TRHDE: variants seen among roughly 807,000 people sequenced by gnomAD.
The protein encoded by TRHDE is thyrotropin-releasing hormone-degrading ectoenzyme.
In TRHDE, 72 loss-of-function variants were observed where a neutral mutation model predicts 125.7. That is an observed-to-expected ratio of 0.57 (90% CI 0.47 to 0.70). The LOEUF is 0.70. Among genes scored for constraint, TRHDE ranks in the 30% least tolerant of loss-of-function variants. TRHDE has a pLI of 0.00. For missense variants in TRHDE, 1,110 were observed against 1,327.1 expected (o/e 0.84, Z 2.54); for synonymous variants, 509 against 509.1 (o/e 1.00, Z 0.00).
chr12:72,419,533 G>C (rs886499425), intron 3 of TRHDE, among the ~76,000 whole-genome samples: 2 of 152,040 alleles, frequency 1.3e-5, no homozygotes, highest in African/African-American at 2.4e-5. Context: ...GAGGGAGATG[G>C]GGAGTGTGCC....
chr12:72,214,825 C>T (rs894805606), intron 2 of TRHDE, among the ~76,000 whole-genome samples: 8 of 152,266 alleles, frequency 5.3e-5, no homozygotes, highest in Admixed American at 4.6e-4. Context: ...TCATCCTACT[C>T]CTGGCCAAAG....
chr12:72,501,953 C>A (rs891993421), intron 6 of TRHDE, among the ~76,000 whole-genome samples: 2 of 152,148 alleles, frequency 1.3e-5, no homozygotes, highest in African/African-American at 4.8e-5. Flanking sequence ...ACTTTATTGA[C>A]ATAAAGTTTT....
At chr12:72,457,437 C>G (rs1875911214) in intron 3 of TRHDE, among the ~76,000 whole-genome samples, 1 of 152,070 alleles carries the variant, frequency 6.6e-6, no homozygotes, top group Non-Finnish European at 1.5e-5. Flanking sequence ...ATTTCAGTAT[C>G]TCCTGTTTAT....
chr12:72,100,699 C>G (rs1331568461), intron 1 of TRHDE, among the ~76,000 whole-genome samples: 1 of 152,196 alleles, frequency 6.6e-6, no homozygotes, highest in Non-Finnish European at 1.5e-5. Context: ...TGAAAATGAC[C>G]TCTCTTTCTC....
chr12:72,209,792 A>C (rs1296155709), intron 2 of TRHDE, among the ~76,000 whole-genome samples: 2 of 152,304 alleles, frequency 1.3e-5, no homozygotes, highest in Non-Finnish European at 2.9e-5. Context: ...CTTTCAAACA[A>C]ATTATGGCTT....
At chr12:72,351,161 T>C (rs553349109) in intron 2 of TRHDE, among the ~76,000 whole-genome samples, 31 of 152,078 alleles carry the variant, frequency 2.0e-4, no homozygotes, top group African/African-American at 7.5e-4. Flanking sequence ...AGAGTGAAGC[T>C]CTGGGAAGTA....
chr12:72,366,471 T>A (rs1368396108), intron 2 of TRHDE, among the ~76,000 whole-genome samples: 2 of 152,148 alleles, frequency 1.3e-5, no homozygotes, highest in Non-Finnish European at 2.9e-5. Context: ...AGCAGCGTTT[T>A]AGTACTAGAG....
At chr12:72,398,629 TCTGA>T (rs746085027) in intron 3 of TRHDE, among the ~76,000 whole-genome samples, 44 of 152,222 alleles carry the variant, frequency 2.9e-4, no homozygotes, top group Admixed American at 2.8e-3. Context: ...TCAAATTACT[TCTGA>T]CTTAGTCTTT....
intron 12 of TRHDE, chr12:72,582,495 T>C (rs1871280771): frequency 3.0e-6 from 3 of 985,322 alleles, no homozygotes; most frequent in Admixed American, 6.1e-5. Context: ...GATGGCTCTC[T>C]TGTACCTCGT....
intron 12 of TRHDE, among the ~76,000 whole-genome samples, chr12:72,613,411 CA>C (rs1221317183): frequency 5.3e-5 from 8 of 152,204 alleles, no homozygotes; most frequent in African/African-American, 1.9e-4. Flanking sequence ...TTTTAACCTT[CA>C]AAAAATGCTT....
chr12:72,272,383 C>T lies in TRHDE; in HGVS notation c.-261C>T. The T allele has an allele frequency of 2.6e-6, 1 of 384,576 alleles. No homozygotes were observed. The highest frequency in any genetic ancestry group is 5.0e-6 in the Non-Finnish European group (1 of 199,548). 23.8% of individuals were successfully genotyped at this position (384,576 alleles called of 1,614,324 possible). ...GGGTGCTCGTCCGAGAAGTAGCGCG[C>T]GCTGGGCAAGCAAGACGCTTTCCAA... On this transcript the variant is annotated 5_prime_UTR_variant, in exon 1 of 19. Coordinates refer to ENST00000261180, the MANE Select transcript of TRHDE (RefSeq NM_013381.3). The surrounding 1 kb of genome is among the most constrained non-coding windows in gnomAD (Gnocchi z 6.7).
chr12:72,485,744 A>G (rs1368869433), intron 5 of TRHDE, among the ~76,000 whole-genome samples: 1 of 152,176 alleles, frequency 6.6e-6, no homozygotes, highest in Non-Finnish European at 1.5e-5. Flanking sequence ...TATGGGGCTG[A>G]GAAGATGTAA....
chr12:72,296,411 A>G (rs1592526733), intron 2 of TRHDE, among the ~76,000 whole-genome samples: 1 of 152,222 alleles, frequency 6.6e-6, no homozygotes. Flanking sequence ...TAAACAGGGA[A>G]CTGAATCCAG....
At chr12:72,439,734 C>A (rs1874912805) in intron 3 of TRHDE, among the ~76,000 whole-genome samples, 1 of 151,696 alleles carries the variant, frequency 6.6e-6, no homozygotes, top group Admixed American at 6.6e-5. Flanking sequence ...GATGCATTTT[C>A]TTTCTTTCTC....
At position 72,619,704 on chromosome 12, in the gene TRHDE, G is replaced by A. The variant is rs538243040; in HGVS notation, c.2469+666G>A. 2.1e-4 allele frequency among the ~76,000 whole-genome samples: 32 copies of A among 152,216 alleles called. No homozygotes were observed. The Middle Eastern group carries it at 0.01, about 49-fold the overall frequency. On this transcript the variant is annotated intron_variant, in intron 13 of 18. Coordinates refer to ENST00000261180, the MANE Select transcript of TRHDE (RefSeq NM_013381.3). The stretch of plus-strand genomic sequence containing the variant: ...TATTAGGATTAAGTACTGCTCATGA[G>A]CCTTTTGATTCTTAAATTTCTTATC...
At chr12:72,405,937 A>G (rs1565729495) in intron 3 of TRHDE, among the ~76,000 whole-genome samples, 2 of 152,146 alleles carry the variant, frequency 1.3e-5, no homozygotes, top group African/African-American at 2.4e-5. Flanking sequence ...CTGAAACAGC[A>G]TTATCTCTGT....
chr12:72,317,822 G>A (rs150801953), intron 2 of TRHDE, among the ~76,000 whole-genome samples: 162 of 152,254 alleles, frequency 1.1e-3, no homozygotes, highest in African/African-American at 3.5e-3. Flanking sequence ...AATGGCATGC[G>A]TAAAGGTATG....
intron 18 of TRHDE, among the ~76,000 whole-genome samples, chr12:72,662,654 A>T (rs1234305412): frequency 6.6e-6 from 1 of 152,188 alleles, no homozygotes; most frequent in African/African-American, 2.4e-5. Flanking sequence ...CCTTATATTC[A>T]GTGTTTAAGG....
chr12:72,463,087 AAT>A (rs1876203659), intron 3 of TRHDE, among the ~76,000 whole-genome samples: 1 of 152,188 alleles, frequency 6.6e-6, no homozygotes, highest in Non-Finnish European at 1.5e-5. Context: ...TCTGAGCAAA[AAT>A]ATCTTACATT....
Sources: gnomAD v4.1 joint callset for allele counts (sites outside exome capture counted in the v4.1 genomes callset) on GRCh38, gnomAD v4.1.1 for gene constraint, Gnocchi (gnomAD v3.1) non-coding constraint, MANE v1.5 for transcripts, NCBI Gene and HGNC (gene_info 2026-07-23, HGNC 2026-07-21) for gene names.